The following KIF6 variants were observed in gnomAD, a reference collection of about 807,000 sequenced individuals.
KIF6 encodes kinesin-like protein KIF6.
A neutral mutation model predicts 112.7 loss-of-function variants in KIF6; 106 were observed. The ratio of observed to expected loss-of-function variants is 0.94; its 90% confidence interval spans 0.80 to 1.11. KIF6 has a LOEUF of 1.11. Among genes scored for constraint, KIF6 ranks in the 50% least tolerant of loss-of-function variants. The pLI is 0.00. For missense variants in KIF6, 929 were observed against 964.0 expected, an observed-to-expected ratio of 0.96 and a Z score of 0.48; for synonymous variants, 339 against 339.9, an observed-to-expected ratio of 1.00 and a Z score of 0.03.
intron 5 of KIF6, among the ~76,000 whole-genome samples, chr6:39,628,560 T>A (rs1162836048): frequency 2.0e-4 from 31 of 152,126 alleles, no homozygotes; most frequent in Admixed American, 2.0e-3. Context: ...TGTTCACCAA[T>A]TGGAATCATA....
intron 1 of KIF6, among the ~76,000 whole-genome samples, chr6:39,723,146 A>G (rs1476843054): frequency 6.6e-6 from 1 of 152,232 alleles, no homozygotes; most frequent in South Asian, 2.1e-4. Flanking sequence ...AAAGAAATGC[A>G]TGTAAGTGAT....
intron 15 of KIF6, among the ~76,000 whole-genome samples, chr6:39,392,667 A>C (rs1037819762): frequency 4.6e-5 from 7 of 152,368 alleles, no homozygotes; most frequent in East Asian, 1.9e-4. Context: ...AGATGGGGTA[A>C]ATTTCAAAAG....
At chr6:39,508,474 T>C (rs1336985419) in intron 13 of KIF6, among the ~76,000 whole-genome samples, 1 of 152,052 alleles carries the variant, frequency 6.6e-6, no homozygotes, top group East Asian at 1.9e-4. Flanking sequence ...AAGCTGTGAG[T>C]GACTGTATTT....
intron 3 of KIF6, among the ~76,000 whole-genome samples, chr6:39,666,595 T>C (rs1344138419): frequency 4.6e-5 from 7 of 152,184 alleles, no homozygotes; most frequent in Admixed American, 4.6e-4. Flanking sequence ...ACCTAGTGTG[T>C]TCTGTAACAC....
intron 6 of KIF6, among the ~76,000 whole-genome samples, chr6:39,611,611 A>T (rs1049245602): frequency 1.3e-5 from 2 of 152,204 alleles, no homozygotes; most frequent in African/African-American, 2.4e-5. Flanking sequence ...GTCAGTTAGC[A>T]CTGAGGCGGC....
intron 13 of KIF6, among the ~76,000 whole-genome samples, chr6:39,452,279 T>C (rs1042935702): frequency 6.6e-6 from 1 of 152,158 alleles, no homozygotes; most frequent in Non-Finnish European, 1.5e-5. Flanking sequence ...GAATCTAAAT[T>C]GGATTTGCTT....
Position 39,489,840 on chromosome 6 carries a change from G to A in KIF6, c.1645+50163C>T, listed in dbSNP as rs537015001. Among the ~76,000 whole-genome samples the A allele has an allele frequency of 8.1e-4, 124 of 152,244 alleles. No individual in the cohort carries two copies. The Middle Eastern group carries it at 0.017, about 21-fold the overall frequency. Reference sequence around the variant, plus strand: ...AAATTAAGGTCTTCTTTAGAGCAGCGCACAGAGAATTCTCCAGGGAATGAC... The same window carrying A: ...AAATTAAGGTCTTCTTTAGAGCAGCACACAGAGAATTCTCCAGGGAATGAC... On this transcript the variant is annotated intron_variant, in intron 13 of 22. Coordinates refer to ENST00000287152, the MANE Select transcript of KIF6 (RefSeq NM_145027.6).
chr6:39,652,776 T>A (rs1785553254), intron 3 of KIF6, among the ~76,000 whole-genome samples: 1 of 152,170 alleles, frequency 6.6e-6, no homozygotes, highest in South Asian at 2.1e-4. Flanking sequence ...GTTAACTATA[T>A]CAAGGTCACA....
chr6:39,540,107 C>A lies in KIF6; in HGVS notation c.1541G>T (p.Gly514Val). ...RQSQSPPFRL[G>V]NPEEGQRMRL... ...CATTCTTTGACCTTCTTCTGGGTTTCCTAGGCGGAAGGGTGGGCTCTGGGA... is the reference window on the plus strand; with the variant it reads ...CATTCTTTGACCTTCTTCTGGGTTTACTAGGCGGAAGGGTGGGCTCTGGGA... Residue 514 changes from glycine (G) to valine (V), a missense_variant, in exon 13 of 23, where the codon GGA becomes GTA. Around this residue, in one of 2 missense-constraint regions of KIF6, gnomAD observed 688 missense variants for 662.7 expected, o/e 1.04. Transcript: ENST00000287152. 1 of 1,614,112 alleles carries A rather than the reference C, an allele frequency of 6.2e-7. No individual in the cohort carries two copies. Among genetic ancestry groups the A allele is most frequent in the Admixed American group, 1.7e-5 (1 of 60,020 alleles).
Position 39,330,374 on chromosome 6 carries a change from G to A in KIF6, c.*6158C>T, listed in dbSNP as rs188134077. On this transcript the variant is annotated 3_prime_UTR_variant, in exon 23 of 23. Coordinates refer to ENST00000287152, the MANE Select transcript of KIF6 (RefSeq NM_145027.6). ...GGTCATGGCTGGTCCCAGCACCAGAGGGAGACTTAGAAAGTTTTTAGCAAA... is the reference window on the plus strand; with the variant it reads ...GGTCATGGCTGGTCCCAGCACCAGAAGGAGACTTAGAAAGTTTTTAGCAAA... The A allele has an allele frequency of 2.8e-3, 422 of 152,366 alleles. 1 individual carries two copies. Among genetic ancestry groups the A allele is most frequent in the African/African-American group, 9.8e-3 (407 of 41,564 alleles). 9.4% of individuals were successfully genotyped at this position (152,366 alleles called of 1,614,324 possible).
intron 13 of KIF6, among the ~76,000 whole-genome samples, chr6:39,488,599 A>G (rs1323361511): frequency 6.6e-6 from 1 of 152,116 alleles, no homozygotes; most frequent in East Asian, 1.9e-4. Flanking sequence ...GAGCCTACAG[A>G]CTGTATTTTA....
intron 5 of KIF6, among the ~76,000 whole-genome samples, chr6:39,615,925 C>T (rs113907422): frequency 0.022 from 3,334 of 152,172 alleles, 56 homozygotes; most frequent in Non-Finnish European, 0.033. Flanking sequence ...CAATAACTAA[C>T]GCTCAACTGG....
intron 19 of KIF6, among the ~76,000 whole-genome samples, chr6:39,353,061 A>G (rs552290489): frequency 1.3e-5 from 2 of 152,312 alleles, no homozygotes; most frequent in East Asian, 1.9e-4. Flanking sequence ...TTTCACCTCA[A>G]TTAGGTAAAT....
chr6:39,492,846 T>G (rs1038796525), intron 13 of KIF6, among the ~76,000 whole-genome samples: 1 of 152,224 alleles, frequency 6.6e-6, no homozygotes, highest in Non-Finnish European at 1.5e-5. Context: ...TGATGCTTTC[T>G]GCAAGCTCTT....
intron 3 of KIF6, among the ~76,000 whole-genome samples, chr6:39,693,538 T>C (rs1236615921): frequency 6.6e-6 from 1 of 151,876 alleles, no homozygotes; most frequent in Non-Finnish European, 1.5e-5. Flanking sequence ...ACTATGAACA[T>C]CTCTATGCAC....
intron 21 of KIF6, among the ~76,000 whole-genome samples, chr6:39,345,293 C>T (rs949846312): frequency 3.9e-5 from 6 of 152,294 alleles, no homozygotes; most frequent in East Asian, 1.9e-4. Context: ...CCATTCTAGC[C>T]GGAGGATACA....
At chr6:39,434,947 C>A (rs1468065008) in intron 13 of KIF6, among the ~76,000 whole-genome samples, 1 of 152,112 alleles carries the variant, frequency 6.6e-6, no homozygotes, top group Non-Finnish European at 1.5e-5. Flanking sequence ...ATACTCTATA[C>A]CAAGGATAGT....
At chr6:39,486,626 G>T (rs1042349342) in intron 13 of KIF6, among the ~76,000 whole-genome samples, 4 of 152,214 alleles carry the variant, frequency 2.6e-5, no homozygotes, top group Admixed American at 2.0e-4. Context: ...GAGATGCACA[G>T]AAAGAAATAC....
chr6:39,466,798 G>A (rs1773817690), intron 13 of KIF6, among the ~76,000 whole-genome samples: 1 of 152,150 alleles, frequency 6.6e-6, no homozygotes, highest in Non-Finnish European at 1.5e-5. Flanking sequence ...CTCCACCCAG[G>A]CCCCTCTTTG....
Sources: gnomAD v4.1 joint callset for allele counts (sites outside exome capture counted in the v4.1 genomes callset) on GRCh38, gnomAD v4.1.1 for gene constraint, gnomAD v4.1.1 regional missense constraint, MANE v1.5 for transcripts, NCBI Gene and HGNC (gene_info 2026-07-23, HGNC 2026-07-21) for gene names.